Variants in STARD9 observed in about 807,000 individuals in gnomAD.
STARD9 encodes stAR-related lipid transfer protein 9.
A neutral mutation model predicts 399.8 loss-of-function variants in STARD9; 346 were observed. That is an observed-to-expected ratio of 0.87 (90% CI 0.79 to 0.95). The LOEUF is 0.95. Ranked by LOEUF, STARD9 falls within the 40% of genes least tolerant of loss-of-function variation. The pLI, the probability that STARD9 is intolerant of heterozygous loss-of-function variation, is 0.00. For synonymous variants in STARD9, 2,203 were observed against 2,143.5 expected, an observed-to-expected ratio of 1.03 and a Z score of -0.77; for missense variants, 5,832 against 5,667.5, an observed-to-expected ratio of 1.03 and a Z score of -0.93.
At chr15:42,587,792 C>T (rs530401862) in intron 3 of STARD9, among the ~76,000 whole-genome samples, 1 of 152,114 alleles carries the variant, frequency 6.6e-6, no homozygotes, top group South Asian at 2.1e-4. Context: ...CTCGAACTCC[C>T]GACCTCAGGT....
rs763349429 is a variant in STARD9 at position 42,692,851 on chromosome 15, A to G, written c.11273A>G (p.Asn3758Ser). Residue 3758 changes from asparagine to serine, a missense_variant, in exon 23 of 33, where the codon AAT (asparagine) becomes AGT (serine). Coordinates refer to ENST00000290607, the MANE Select transcript of STARD9 (RefSeq NM_020759.3). ...QTSEAEPQGA[N>S]VILEGLGSDT... ...TCAGAGGCTGAACCTCAGGGAGCCA[A>G]TGTGATCCTTGAAGGGCTAGGCTCA... 19 of 1,537,128 alleles carry G rather than the reference A, an allele frequency of 1.2e-5. No individual in the cohort carries two copies. Among genetic ancestry groups the G allele is most frequent in the South Asian group, 8.3e-5 (7 of 84,060 alleles).
At chr15:42,668,179 T>C (rs555233136) in intron 15 of STARD9, among the ~76,000 whole-genome samples, 36 of 152,106 alleles carry the variant, frequency 2.4e-4, no homozygotes, top group Admixed American at 1.6e-3. Flanking sequence ...TAAGCCAGAG[T>C]GTCCTGCCAC....
At chr15:42,674,082 A>G (rs576634366) in intron 16 of STARD9, 37 of 437,344 alleles carry the variant, frequency 8.5e-5, no homozygotes, top group South Asian at 6.2e-4. Flanking sequence ...TTTTGCATGT[A>G]CTTTCTCGGA....
At chr15:42,667,988 C>G (rs2060135735) in intron 15 of STARD9, among the ~76,000 whole-genome samples, 1 of 152,228 alleles carries the variant, frequency 6.6e-6, no homozygotes, top group South Asian at 2.1e-4. Flanking sequence ...TATCATCCCT[C>G]TATACTAAGA....
intron 3 of STARD9, among the ~76,000 whole-genome samples, chr15:42,624,117 C>T (rs2059147995): frequency 6.6e-6 from 1 of 152,166 alleles, no homozygotes; most frequent in Admixed American, 6.5e-5. Flanking sequence ...GCAAAGCTGG[C>T]ACAGATGACA....
intron 8 of STARD9, among the ~76,000 whole-genome samples, chr15:42,651,542 T>C (rs2059762983): frequency 6.6e-6 from 1 of 152,136 alleles, no homozygotes; most frequent in African/African-American, 2.4e-5. Context: ...TGCTGTAGAT[T>C]CCCCTAAAAG....
At chr15:42,619,743 G>A (rs756488144) in intron 3 of STARD9, among the ~76,000 whole-genome samples, 43 of 152,134 alleles carry the variant, frequency 2.8e-4, no homozygotes, top group Admixed American at 3.9e-4. Context: ...CTTGCTCCTC[G>A]CCTGCCTGCC....
chr15:42,713,191 T>C (rs1240710014), intron 26 of STARD9, among the ~76,000 whole-genome samples: 1 of 152,244 alleles, frequency 6.6e-6, no homozygotes, highest in African/African-American at 2.4e-5. Context: ...TTATTCCTGT[T>C]GACAGTATTA....
chr15:42,666,064 G>A (rs887378022), intron 15 of STARD9, among the ~76,000 whole-genome samples: 2 of 152,070 alleles, frequency 1.3e-5, no homozygotes, highest in Non-Finnish European at 2.9e-5. Flanking sequence ...TCAGGGATTC[G>A]TAAGTCCTTT....
Position 42,681,561 on chromosome 15 carries a change from G to A in STARD9, c.2014G>A (p.Ala672Thr). ...AATCCTAGCAGAAGAGATTCGAGCT[G>A]CGAAGGAACTGGAATTTGACCAAGC... The part of the protein sequence containing the change: ...HQILAEEIRA[A>T]KELEFDQAWI... Residue 672 changes from alanine (A) to threonine (T), a missense_variant, in exon 21 of 33, where the codon GCG (alanine) becomes ACG (threonine). Physicochemically the swap from Ala to Thr is moderately conservative, Grantham distance 58. This residue lies in a region of STARD9 where 5,828 missense variants were observed against 5,651.1 expected (regional missense o/e 1.03). Transcript: ENST00000290607. 1 of 1,537,170 alleles carries A rather than the reference G, an allele frequency of 6.5e-7. No individual in the cohort carries two copies. The highest frequency in any genetic ancestry group is 1.4e-5 in the African/African-American group (1 of 73,144).
intron 3 of STARD9, among the ~76,000 whole-genome samples, chr15:42,586,139 G>C (rs182572446): frequency 7.7e-4 from 118 of 152,326 alleles, no homozygotes; most frequent in Middle Eastern, 6.8e-3. Flanking sequence ...TGATTCAGGT[G>C]GGTATAAGTT....
At position 42,598,000 on chromosome 15, in the gene STARD9, A is replaced by ATATGTGTG. The variant is rs1555388916; in HGVS notation, c.234+12364_234+12365insATGTGTGT. Among the ~76,000 whole-genome samples the ATATGTGTG allele has an allele frequency of 8.0e-4, 92 of 115,176 alleles. 1 individual carries two copies. The highest frequency in any genetic ancestry group is 2.4e-3 in the African/African-American group (69 of 29,110). 75.6% of individuals were successfully genotyped at this position (115,176 alleles called of 152,430 possible). The stretch of plus-strand genomic sequence containing the variant: ...TGTGTGTGTGTGTTTGTATATATAT[A>ATATGTGTG]TGTGTGTGTGTGTGTGTGTGTGTGT... On this transcript the variant is annotated intron_variant, in intron 3 of 32. Coordinates refer to ENST00000290607, the MANE Select transcript of STARD9 (RefSeq NM_020759.3).
rs1355164363 is a variant in STARD9 at position 42,686,599 on chromosome 15, C to T, written c.5021C>T (p.Pro1674Leu). The T allele has an allele frequency of 6.5e-7, 1 of 1,537,408 alleles. No homozygotes were observed. Residue 1674 changes from proline to leucine, a missense_variant, in exon 23 of 33, where the codon CCT (proline) becomes CTT (leucine). Around this residue, in one of 2 missense-constraint regions of STARD9, gnomAD observed 5,828 missense variants for 5,651.1 expected, o/e 1.03. Coordinates refer to ENST00000290607, the MANE Select transcript of STARD9 (RefSeq NM_020759.3). ...GACCATTGGTCCCAAGGCTGGGCTC[C>T]TCTCAGGAAAAATAGTGCAGTCCAG... ...KADHWSQGWAPLRKNSAVQPG... is the reference protein window; with the variant it reads ...KADHWSQGWALLRKNSAVQPG...
intron 3 of STARD9, chr15:42,630,197 G>A (rs185745986): frequency 8.5e-4 from 129 of 151,868 alleles, no homozygotes; most frequent in African/African-American, 3.0e-3. Context: ...TAGAGACCAG[G>A]TTTCACCACG....
At position 42,691,774 on chromosome 15, in the gene STARD9, A is replaced by G. The variant is rs998299323; in HGVS notation, c.10196A>G (p.His3399Arg). Residue 3399 changes from histidine to arginine, a missense_variant, in exon 23 of 33, where the codon CAC (histidine) becomes CGC (arginine). Around this residue, in one of 2 missense-constraint regions of STARD9, gnomAD observed 5,828 missense variants for 5,651.1 expected, o/e 1.03. Transcript: ENST00000290607. ...RLDDGTTDHR[H>R]LKPATPPYPM... ...GATGATGGGACTACCGATCACAGGCACCTGAAGCCTGCCACCCCTCCTTAT... is the reference window on the plus strand; with the variant it reads ...GATGATGGGACTACCGATCACAGGCGCCTGAAGCCTGCCACCCCTCCTTAT... The G allele has an allele frequency of 1.3e-6, 2 of 1,537,138 alleles. No homozygotes were observed. The highest frequency in any genetic ancestry group is 2.7e-5 in the African/African-American group (2 of 73,048).
chr15:42,661,591 C>T (rs912231361), intron 10 of STARD9, among the ~76,000 whole-genome samples: 2 of 151,958 alleles, frequency 1.3e-5, no homozygotes, highest in East Asian at 1.9e-4. Context: ...ACTACAGGCA[C>T]GTGACACCAC....
At chr15:42,641,844 TCC>T (rs1414940549) in intron 7 of STARD9, among the ~76,000 whole-genome samples, 1 of 151,942 alleles carries the variant, frequency 6.6e-6, no homozygotes, top group East Asian at 1.9e-4. Context: ...ACCTAGGTGA[TCC>T]ACCTGCCTCG....
intron 3 of STARD9, among the ~76,000 whole-genome samples, chr15:42,624,559 T>C (rs1266256555): frequency 6.7e-6 from 1 of 149,184 alleles, no homozygotes; most frequent in Non-Finnish European, 1.5e-5. Context: ...TTGTCTTTTT[T>C]TTTTTTTGAG....
At chr15:42,661,673 C>A (rs1389073119) in intron 10 of STARD9, among the ~76,000 whole-genome samples, 1 of 151,852 alleles carries the variant, frequency 6.6e-6, no homozygotes, top group Non-Finnish European at 1.5e-5. Context: ...CCCTGGCTGG[C>A]CTCGCACTCC....
Sources: gnomAD v4.1 joint callset for allele counts (sites outside exome capture counted in the v4.1 genomes callset) on GRCh38, gnomAD v4.1.1 for gene constraint, gnomAD v4.1.1 regional missense constraint, MANE v1.5 for transcripts, NCBI Gene and HGNC (gene_info 2026-07-23, HGNC 2026-07-21) for gene names.